FAM135B: variants seen among roughly 807,000 people sequenced by gnomAD.
FAM135B encodes the protein family with sequence similarity 135 member B, also known as protein FAM135B.
FAM135B carries 43 observed loss-of-function variants against 127.7 expected under a neutral mutation model. The observed-to-expected ratio is 0.34, with a 90% CI of 0.26 to 0.43. FAM135B has a LOEUF of 0.43. FAM135B is among the 20% of genes least tolerant of loss of function. The pLI is 1.00. For missense variants in FAM135B, 1,558 were observed against 1,725.6 expected, an observed-to-expected ratio of 0.90 and a Z score of 1.72; for synonymous variants, 670 against 665.1, an observed-to-expected ratio of 1.01 and a Z score of -0.11.
chr8:138,445,978 G>A (rs936189298), intron 1 of FAM135B, among the ~76,000 whole-genome samples: 2 of 152,062 alleles, frequency 1.3e-5, no homozygotes, highest in African/African-American at 4.8e-5. Context: ...AAATCAATGT[G>A]CAAAAATCAC....
intron 16 of FAM135B, among the ~76,000 whole-genome samples, chr8:138,142,285 CTTCTTTTTTTT>C (rs1817242308): frequency 1.0e-5 from 1 of 99,934 alleles, no homozygotes; most frequent in African/African-American, 3.7e-5. Context: ...CATTCTGCTT[CTTCTTTTTTTT>C]TTTTTTTTTT....
At chr8:138,403,859 C>CA (rs1178896179) in intron 1 of FAM135B, among the ~76,000 whole-genome samples, 1 of 152,158 alleles carries the variant, frequency 6.6e-6, no homozygotes, top group African/African-American at 2.4e-5. Flanking sequence ...GCAACTTTGC[C>CA]AGCAATGTCT....
At chr8:138,339,136 C>T (rs1477572302) in intron 2 of FAM135B, among the ~76,000 whole-genome samples, 1 of 150,984 alleles carries the variant, frequency 6.6e-6, no homozygotes, top group East Asian at 2.0e-4. Flanking sequence ...GCAGGGATAG[C>T]ATTAGGAGAT....
At chr8:138,325,216 C>T (rs750951929) in intron 2 of FAM135B, among the ~76,000 whole-genome samples, 2 of 152,062 alleles carry the variant, frequency 1.3e-5, no homozygotes, top group Non-Finnish European at 2.9e-5. Context: ...AACATTTGTC[C>T]AATCAAATTG....
chr8:138,446,603 T>C (rs967507989), intron 1 of FAM135B, among the ~76,000 whole-genome samples: 6 of 152,200 alleles, frequency 3.9e-5, no homozygotes, highest in Non-Finnish European at 7.3e-5. Context: ...GCTAGCCATA[T>C]GTAGAAAGCT....
chr8:138,464,047 T>A (rs1273553696), intron 1 of FAM135B, among the ~76,000 whole-genome samples: 1 of 152,210 alleles, frequency 6.6e-6, no homozygotes, highest in African/African-American at 2.4e-5. Context: ...GCTGAGCACG[T>A]AAATGTCCGT....
chr8:138,435,740 G>C (rs951160016), intron 1 of FAM135B, among the ~76,000 whole-genome samples: 1 of 151,976 alleles, frequency 6.6e-6, no homozygotes, highest in African/African-American at 2.4e-5. Flanking sequence ...CATATTTGAA[G>C]GTCACAACTT....
At chr8:138,484,676 A>G (rs1264473884) in intron 1 of FAM135B, among the ~76,000 whole-genome samples, 1 of 152,248 alleles carries the variant, frequency 6.6e-6, no homozygotes, top group East Asian at 1.9e-4. Flanking sequence ...CTGTCGCTGA[A>G]AAATGGTTTT....
At chr8:138,288,146 T>C (rs1253106468) in intron 3 of FAM135B, among the ~76,000 whole-genome samples, 5 of 152,190 alleles carry the variant, frequency 3.3e-5, no homozygotes, top group Admixed American at 2.6e-4. Context: ...TCGTGCATGC[T>C]GAGGGAAACC....
At chr8:138,308,989 A>G (rs113087643) in intron 3 of FAM135B, 2 of 454,904 alleles carry the variant, frequency 4.4e-6, no homozygotes, top group Non-Finnish European at 4.4e-6. Context: ...CTGGCTACTT[A>G]CCTTGTGCTG....
intron 1 of FAM135B, among the ~76,000 whole-genome samples, chr8:138,375,605 C>G (rs1013963642): frequency 6.6e-6 from 1 of 152,152 alleles, no homozygotes; most frequent in Non-Finnish European, 1.5e-5. Flanking sequence ...AAAGTCGAAG[C>G]CACCTAGAAT....
intron 2 of FAM135B, among the ~76,000 whole-genome samples, chr8:138,327,404 T>A (rs1346481785): frequency 6.6e-6 from 1 of 152,182 alleles, no homozygotes; most frequent in African/African-American, 2.4e-5. Context: ...AAAACTGGGA[T>A]GCAAGGTCAT....
At chr8:138,202,840 A>G (rs913342387) in intron 7 of FAM135B, among the ~76,000 whole-genome samples, 1 of 152,214 alleles carries the variant, frequency 6.6e-6, no homozygotes, top group Non-Finnish European at 1.5e-5. Flanking sequence ...TCCACTCAGA[A>G]GCCTAAGAAT....
intron 1 of FAM135B, among the ~76,000 whole-genome samples, chr8:138,475,926 C>A (rs933148090): frequency 2.0e-5 from 3 of 152,150 alleles, no homozygotes; most frequent in Non-Finnish European, 4.4e-5. Context: ...TTTATAGTAG[C>A]TTTATTCATA....
intron 1 of FAM135B, among the ~76,000 whole-genome samples, chr8:138,375,139 A>G (rs1030941610): frequency 1.3e-5 from 2 of 152,204 alleles, no homozygotes; most frequent in Admixed American, 6.5e-5. Flanking sequence ...CTGGCAAAAA[A>G]AAAACTGCAC....
At chr8:138,195,944 C>T (rs937578702) in intron 8 of FAM135B, among the ~76,000 whole-genome samples, 1 of 152,182 alleles carries the variant, frequency 6.6e-6, no homozygotes, top group African/African-American at 2.4e-5. Context: ...AGCATGCTTG[C>T]CTAGCTGAGT....
chr8:138,468,801 T>C (rs539209596), intron 1 of FAM135B, among the ~76,000 whole-genome samples: 9 of 152,286 alleles, frequency 5.9e-5, no homozygotes, highest in East Asian at 1.9e-4. Flanking sequence ...TCCCAGCACA[T>C]TGGGAGGCCA....
intron 7 of FAM135B, among the ~76,000 whole-genome samples, chr8:138,240,653 G>A (rs935399749): frequency 6.6e-6 from 1 of 152,176 alleles, no homozygotes; most frequent in African/African-American, 2.4e-5. Context: ...AGAGCCCAGT[G>A]GAGGAAGGAC....
At chr8:138,133,633 C>G (rs1816381788) in intron 19 of FAM135B, among the ~76,000 whole-genome samples, 1 of 152,190 alleles carries the variant, frequency 6.6e-6, no homozygotes, top group Non-Finnish European at 1.5e-5. Flanking sequence ...CTCCAAACAA[C>G]CGGGTCTGTT....
Sources: gnomAD v4.1 joint callset for allele counts (sites outside exome capture counted in the v4.1 genomes callset) on GRCh38, gnomAD v4.1.1 for gene constraint, MANE v1.5 for transcripts, NCBI Gene and HGNC (gene_info 2026-07-23, HGNC 2026-07-21) for gene names.